Variants in KIF21A observed in about 807,000 individuals in gnomAD.
The protein encoded by KIF21A is kinesin family member 21A, also known as kinesin-like protein KIF21A.
In KIF21A, 114 loss-of-function variants were observed where a neutral mutation model predicts 202.9. The ratio of observed to expected loss-of-function variants is 0.56; its 90% CI spans 0.48 to 0.66. The LOEUF is 0.66. KIF21A is among the 30% of genes least tolerant of loss of function. The pLI is 0.00. For missense variants in KIF21A, 1,677 were observed against 1,994.9 expected (o/e 0.84, Z 3.04); for synonymous variants, 667 against 670.8 (o/e 0.99, Z 0.09).
chr12:39,295,989 C>G lies in KIF21A; in HGVS notation c.4932-1472G>C, dbSNP rs1394382164. 4.3e-5 allele frequency among the ~76,000 whole-genome samples: 6 copies of G among 138,878 alleles called. 1 individual carries two copies. The South Asian group carries it at 9.3e-4, about 21-fold the overall frequency. The allele number at this position is 138,878 out of a possible 152,430, so 91.1% of individuals were successfully genotyped here. A position where few individuals can be genotyped will look rare whatever the true frequency, so the allele number is the denominator to read the frequency against. On this transcript the variant is annotated intron_variant, in intron 37 of 37. Coordinates refer to ENST00000361418, the MANE Select transcript of KIF21A (RefSeq NM_001173464.2). The stretch of plus-strand genomic sequence containing the variant: ...CTGAGATAACAGGCGTGAGCCACTG[C>G]GTCCACCCTGGGATATGGTTTTTTT...
chr12:39,315,626 A>C (rs566883140), intron 30 of KIF21A, among the ~76,000 whole-genome samples: 9 of 152,122 alleles, frequency 5.9e-5, no homozygotes, highest in Non-Finnish European at 1.2e-4. Context: ...AATTGTTGAG[A>C]GTAAGAAATC....
At position 39,442,840 on chromosome 12, in the gene KIF21A, C is replaced by T; in HGVS notation, c.44+87G>A. The T allele has an allele frequency of 8.1e-6, 12 of 1,475,760 alleles. No homozygotes were observed. Among genetic ancestry groups the T allele is most frequent in the Non-Finnish European group, 1.1e-5 (12 of 1,102,988 alleles). The allele number at this position is 1,475,760 out of a possible 1,614,324, so 91.4% of individuals were successfully genotyped here. On this transcript the variant is annotated intron_variant, in intron 1 of 37. Transcript: ENST00000361418. This position sits in a 1 kb window ranked among gnomAD's most constrained non-coding sequence, Gnocchi z 5.0. ...GGACGCCCCTCAGGTCGCTCCACCC[C>T]GGTAGCCGGTGCTCCGCGCCACAGC...
intron 1 of KIF21A, among the ~76,000 whole-genome samples, chr12:39,381,648 C>T (rs1950623709): frequency 6.6e-6 from 1 of 152,256 alleles, no homozygotes; most frequent in East Asian, 1.9e-4. Flanking sequence ...AAAGCCAAGA[C>T]ATTAGACTAT....
In KIF21A at chr12:39,307,413, G is replaced by A. The variant is rs1373807793; in HGVS notation, c.4442+152C>T. On this transcript the variant is annotated intron_variant, in intron 34 of 37. Coordinates refer to ENST00000361418, the MANE Select transcript of KIF21A (RefSeq NM_001173464.2). ...TCAGTTTGTTAATAAGGACACAAGA[G>A]ACATTTAGAGGTACTATGCTGAATA... The A allele has an allele frequency of 4.6e-6, 3 of 647,508 alleles. No individual in the cohort carries two copies. The Admixed American group carries it at 8.6e-5, about 19-fold the overall frequency. The allele number at this position is 647,508 out of a possible 1,614,324, so 40.1% of individuals were successfully genotyped here. A position where few individuals can be genotyped will look rare whatever the true frequency, so the allele number is the denominator to read the frequency against.
At chr12:39,417,994 G>T (rs1402037869) in intron 1 of KIF21A, among the ~76,000 whole-genome samples, 1 of 151,980 alleles carries the variant, frequency 6.6e-6, no homozygotes, top group East Asian at 1.9e-4. Flanking sequence ...GATCTCTTGG[G>T]CTCAGGAGTT....
chr12:39,352,013 AT>A, intron 10 of KIF21A, 33 bp from the exon 11 acceptor site: 2 of 1,475,806 alleles, frequency 1.4e-6, no homozygotes, highest in Non-Finnish European at 9.5e-7. Flanking sequence ...AATAGGGAGC[AT>A]TTTTCTCTGT....
intron 37 of KIF21A, among the ~76,000 whole-genome samples, chr12:39,299,720 G>A (rs1031660653): frequency 2.6e-5 from 4 of 152,148 alleles, no homozygotes; most frequent in African/African-American, 9.7e-5. Context: ...ATCAATGACA[G>A]ATTGGATAAA....
At chr12:39,311,201 G>C (rs1161360069) in intron 32 of KIF21A, among the ~76,000 whole-genome samples, 2 of 151,932 alleles carry the variant, frequency 1.3e-5, no homozygotes, top group African/African-American at 4.8e-5. Flanking sequence ...GTAGAGAGAT[G>C]TATTCTGTCA....
At chr12:39,420,542 C>T (rs1954168125) in intron 1 of KIF21A, among the ~76,000 whole-genome samples, 1 of 151,974 alleles carries the variant, frequency 6.6e-6, no homozygotes, top group South Asian at 2.1e-4. Context: ...TTTTGAAGAC[C>T]CAGAAACAGC....
chr12:39,425,130 T>C (rs1297139740), intron 1 of KIF21A, among the ~76,000 whole-genome samples: 1 of 152,200 alleles, frequency 6.6e-6, no homozygotes, highest in Non-Finnish European at 1.5e-5. Flanking sequence ...TCATGGCTCA[T>C]TTTCCAATAT....
intron 1 of KIF21A, among the ~76,000 whole-genome samples, chr12:39,416,774 T>C (rs1035307794): frequency 1.5e-5 from 2 of 136,378 alleles, no homozygotes; most frequent in African/African-American, 5.6e-5. Flanking sequence ...TATATATATA[T>C]GTACATATAT....
chr12:39,423,925 A>C (rs1954527818), intron 1 of KIF21A, among the ~76,000 whole-genome samples: 1 of 136,392 alleles, frequency 7.3e-6, no homozygotes, highest in Non-Finnish European at 1.5e-5. Context: ...CGGAGGTTGC[A>C]GTGAGCCGAG....
At chr12:39,358,039 T>C (rs1040325053) in intron 8 of KIF21A, 139 bp downstream of exon 8, 30 of 678,988 alleles carry the variant, frequency 4.4e-5, no homozygotes, top group Non-Finnish European at 7.8e-5. Context: ...AACTAGAGAC[T>C]CTTACCTCCA....
intron 4 of KIF21A, 81 bp downstream of exon 4, chr12:39,367,802 G>T: frequency 5.6e-6 from 6 of 1,075,148 alleles, no homozygotes; most frequent in Non-Finnish European, 8.5e-6. Flanking sequence ...TTCATATCTT[G>T]ATCTTAAGCA....
intron 1 of KIF21A, among the ~76,000 whole-genome samples, chr12:39,376,875 A>G (rs1281570181): frequency 6.6e-6 from 1 of 152,100 alleles, no homozygotes; most frequent in African/African-American, 2.4e-5. Context: ...TGGTCAAGTT[A>G]TTTCTCCCTA....
At chr12:39,331,398 C>A (rs1472332841) in intron 22 of KIF21A, among the ~76,000 whole-genome samples, 1 of 152,120 alleles carries the variant, frequency 6.6e-6, no homozygotes, top group Non-Finnish European at 1.5e-5. Context: ...AATTTGTTTG[C>A]ATGCTGAGAA....
intron 10 of KIF21A, among the ~76,000 whole-genome samples, chr12:39,352,627 A>G (rs1053230953): frequency 6.6e-6 from 1 of 152,164 alleles, no homozygotes; most frequent in African/African-American, 2.4e-5. Flanking sequence ...TCAGTTCCTC[A>G]TTCATCACAC....
intron 11 of KIF21A, among the ~76,000 whole-genome samples, chr12:39,349,417 C>T (rs987292820): frequency 1.3e-5 from 2 of 152,046 alleles, no homozygotes; most frequent in African/African-American, 4.8e-5. Context: ...AATGCCCTCT[C>T]TGACAAATAA....
intron 24 of KIF21A, among the ~76,000 whole-genome samples, chr12:39,328,392 T>C (rs1946168809): frequency 6.6e-6 from 1 of 152,148 alleles, no homozygotes; most frequent in Non-Finnish European, 1.5e-5. Context: ...ACTCTTATCG[T>C]AGGGAGAGAG....
Sources: gnomAD v4.1 joint callset for allele counts (sites outside exome capture counted in the v4.1 genomes callset) on GRCh38, gnomAD v4.1.1 for gene constraint, Gnocchi (gnomAD v3.1) non-coding constraint, MANE v1.5 for transcripts, NCBI Gene and HGNC (gene_info 2026-07-23, HGNC 2026-07-21) for gene names.